Variants in ADAMTS6 observed in about 807,000 individuals in gnomAD.
ADAMTS6 encodes the protein ADAM metallopeptidase with thrombospondin type 1 motif 6.
ADAMTS6 carries 23 observed loss-of-function variants against 144.3 expected under a neutral mutation model. That is an observed-to-expected ratio of 0.16 (90% CI 0.11 to 0.23). The LOEUF (loss-of-function observed/expected upper bound fraction) is 0.23, where lower values mean the gene tolerates loss of function less well. Ranked by LOEUF, ADAMTS6 falls within the 10% of genes least tolerant of loss-of-function variation. ADAMTS6 has a pLI of 1.00. For synonymous variants in ADAMTS6, 444 were observed against 457.5 expected (o/e 0.97, Z 0.38); for missense variants, 999 against 1,379.6 (o/e 0.72, Z 4.37).
At chr5:65,375,948 C>T (rs1751490570) in intron 7 of ADAMTS6, among the ~76,000 whole-genome samples, 1 of 152,152 alleles carries the variant, frequency 6.6e-6, no homozygotes, top group African/African-American at 2.4e-5. Context: ...ATGATGAGTT[C>T]ATGTCGTTTG....
chr5:65,365,054 T>G (rs1750181418), intron 7 of ADAMTS6, among the ~76,000 whole-genome samples: 1 of 152,130 alleles, frequency 6.6e-6, no homozygotes, highest in South Asian at 2.1e-4. Context: ...CTACTTAACT[T>G]GTACTGAAAC....
chr5:65,247,339 T>C (rs1279890159), intron 14 of ADAMTS6, among the ~76,000 whole-genome samples: 2 of 152,124 alleles, frequency 1.3e-5, no homozygotes, highest in Non-Finnish European at 2.9e-5. Context: ...TTTGTACTGG[T>C]AGACAAATCT....
chr5:65,170,561 G>A (rs1753552429), intron 24 of ADAMTS6, 56 bp downstream of exon 24: 3 of 1,589,148 alleles, frequency 1.9e-6, no homozygotes, highest in Non-Finnish European at 2.6e-6. Flanking sequence ...CAGACCCTGG[G>A]AACAGTAAAG....
intron 7 of ADAMTS6, among the ~76,000 whole-genome samples, chr5:65,447,588 T>C (rs915342621): frequency 6.6e-6 from 1 of 152,066 alleles, no homozygotes; most frequent in Non-Finnish European, 1.5e-5. Context: ...CTTCAAAAAT[T>C]CTGCTTCTAG....
chr5:65,358,049 C>T (rs1749495444), intron 7 of ADAMTS6, among the ~76,000 whole-genome samples: 1 of 151,826 alleles, frequency 6.6e-6, no homozygotes, highest in African/African-American at 2.4e-5. Context: ...AGACAAATAT[C>T]ACTGATAAAT....
In ADAMTS6 at chr5:65,173,440, G is replaced by A. The variant is rs562845657; in HGVS notation, c.2911-432C>T. On this transcript the variant is annotated intron_variant, in intron 22 of 24. Coordinates refer to ENST00000381055, the MANE Select transcript of ADAMTS6 (RefSeq NM_197941.4). ...GTGTCTGTGAAGCAAGTTCAGGGTT[G>A]ATTTAGATAAACTATTCTTATGTCG... 2.6e-5 allele frequency among the ~76,000 whole-genome samples: 4 copies of A among 152,320 alleles called. No individual in the cohort carries two copies. In the East Asian group the frequency reaches 7.7e-4, roughly 29 times the overall value.
At chr5:65,468,072 CTGAG>C (rs745804709) in intron 3 of ADAMTS6, among the ~76,000 whole-genome samples, 1 of 151,866 alleles carries the variant, frequency 6.6e-6, no homozygotes, top group Non-Finnish European at 1.5e-5. Flanking sequence ...AAAACAAAAC[CTGAG>C]TAAGAAACCA....
At chr5:65,309,542 C>T (rs1458738989) in intron 9 of ADAMTS6, among the ~76,000 whole-genome samples, 1 of 152,014 alleles carries the variant, frequency 6.6e-6, no homozygotes, top group East Asian at 1.9e-4. Context: ...TGACTTCCCA[C>T]TGTGCGGCCC....
At chr5:65,404,005 T>C (rs1288900503) in intron 7 of ADAMTS6, among the ~76,000 whole-genome samples, 1 of 152,084 alleles carries the variant, frequency 6.6e-6, no homozygotes, top group South Asian at 2.1e-4. Context: ...CAATATAAAA[T>C]CAATGCTTAA....
At chr5:65,358,118 AG>A (rs1749504346) in intron 7 of ADAMTS6, among the ~76,000 whole-genome samples, 6 of 152,132 alleles carry the variant, frequency 3.9e-5, no homozygotes, top group African/African-American at 1.4e-4. Flanking sequence ...GCACATTAAA[AG>A]GATCATTCAC....
intron 7 of ADAMTS6, among the ~76,000 whole-genome samples, chr5:65,335,640 T>G (rs1747230918): frequency 6.6e-6 from 1 of 152,134 alleles, no homozygotes; most frequent in Non-Finnish European, 1.5e-5. Context: ...TGCCCAGGTA[T>G]AGTGCCATAT....
chr5:65,200,432 G>C (rs1755658691), intron 20 of ADAMTS6, among the ~76,000 whole-genome samples: 1 of 152,140 alleles, frequency 6.6e-6, no homozygotes, highest in South Asian at 2.1e-4. Context: ...TTCTTTTAAA[G>C]TAGTCTGTAA....
At chr5:65,419,461 T>C (rs1755828383) in intron 7 of ADAMTS6, among the ~76,000 whole-genome samples, 1 of 152,192 alleles carries the variant, frequency 6.6e-6, no homozygotes, top group African/African-American at 2.4e-5. Context: ...GTTCACTACT[T>C]GGGTGACAGA....
At position 65,439,384 on chromosome 5, in the gene ADAMTS6, G is replaced by T. The variant is rs1224442921; in HGVS notation, c.1073+12091C>A. The stretch of plus-strand genomic sequence containing the variant: ...ATGGTGGACATTAGATGAACCAAGG[G>T]ATCAAAATAAACTTTTCCAATATTT... On this transcript the variant is annotated intron_variant, in intron 7 of 24. Coordinates refer to ENST00000381055, the MANE Select transcript of ADAMTS6 (RefSeq NM_197941.4). Among the ~76,000 whole-genome samples the T allele has an allele frequency of 5.3e-5, 8 of 151,792 alleles. No homozygotes were observed. The East Asian group carries it at 1.4e-3, about 26-fold the overall frequency.
intron 7 of ADAMTS6, among the ~76,000 whole-genome samples, chr5:65,434,928 C>T (rs893742700): frequency 4.6e-5 from 7 of 152,118 alleles, no homozygotes; most frequent in African/African-American, 1.7e-4. Context: ...TACAAAGATG[C>T]AGATTGCAGC....
rs1244958277 is a variant in ADAMTS6, at chr5:65,172,909, T to C, written c.3010A>G (p.Ser1004Gly). The C allele has an allele frequency of 6.2e-6, 10 of 1,614,106 alleles. No homozygotes were observed. Among genetic ancestry groups the C allele is most frequent in the Non-Finnish European group, 8.5e-6 (10 of 1,180,042 alleles). Reference sequence around the variant, plus strand: ...CAGCGGATGCGGACAGGAGGTTTGCTTTCCTCTGGACATTGTGCAGCTGGG... The same window carrying C: ...CAGCGGATGCGGACAGGAGGTTTGCCTTCCTCTGGACATTGTGCAGCTGGG... ...TFPAAQCPEE[S>G]KPPVRIRCSL... is the part of the protein sequence containing the mutation. The change falls in exon 23 of 25, where the codon AGC becomes GGC. Residue 1004 changes from serine to glycine, a missense_variant. Ser to Gly is a moderately conservative substitution (Grantham distance 56). Transcript: ENST00000381055.
At chr5:65,457,647 A>G (rs779648149) in intron 4 of ADAMTS6, among the ~76,000 whole-genome samples, 1 of 152,156 alleles carries the variant, frequency 6.6e-6, no homozygotes, top group Non-Finnish European at 1.5e-5. Context: ...TCTTCTTTAC[A>G]ATCATAGAGT....
At chr5:65,472,291 G>A (rs1760506197) in intron 2 of ADAMTS6, among the ~76,000 whole-genome samples, 1 of 152,100 alleles carries the variant, frequency 6.6e-6, no homozygotes, top group Non-Finnish European at 1.5e-5. Context: ...GGTTTGGAGG[G>A]AATTTGGAAG....
At chr5:65,232,092 C>A (rs897984518) in intron 15 of ADAMTS6, among the ~76,000 whole-genome samples, 1 of 152,048 alleles carries the variant, frequency 6.6e-6, no homozygotes, top group African/African-American at 2.4e-5. Context: ...GCCTGGATGA[C>A]TAAATGAGAT....
Sources: gnomAD v4.1 joint callset for allele counts (sites outside exome capture counted in the v4.1 genomes callset) on GRCh38, gnomAD v4.1.1 for gene constraint, MANE v1.5 for transcripts, NCBI Gene and HGNC (gene_info 2026-07-23, HGNC 2026-07-21) for gene names.